PRMT8: variants seen among roughly 807,000 people sequenced by gnomAD.
PRMT8 encodes protein arginine methyltransferase 8.
Under a neutral mutation model 47.1 loss-of-function variants are expected in PRMT8, and 7 were observed. That is an observed-to-expected ratio of 0.15 (90% CI 0.08 to 0.28). The LOEUF (loss-of-function observed/expected upper bound fraction) is 0.28, where lower values mean the gene tolerates loss of function less well. Among genes scored for constraint, PRMT8 ranks in the 10% least tolerant of loss-of-function variants. PRMT8 has a pLI of 1.00. For missense variants in PRMT8, 237 were observed against 505.4 expected, an observed-to-expected ratio of 0.47 and a Z score of 5.09; for synonymous variants, 188 against 186.5, an observed-to-expected ratio of 1.01 and a Z score of -0.07.
Position 3,456,552 on chromosome 12 carries a change from A to G in PRMT8, c.48+75110A>G, listed in dbSNP as rs1201648400. 6.6e-6 allele frequency among the ~76,000 whole-genome samples: 1 copy of G among 152,062 alleles called. No homozygotes were observed. Among genetic ancestry groups the G allele is most frequent in the Non-Finnish European group, 1.5e-5 (1 of 68,010 alleles). ...TGTTGTGCAGCCCGATCATCCCCCA[A>G]TTCACCAACAGCCTTCTCCTCGCGA... On this transcript the variant is annotated intron_variant, in intron 1 of 9. Transcript: ENST00000452611. This position sits in a 1 kb window ranked among gnomAD's most constrained non-coding sequence, Gnocchi z 4.2.
intron 1 of PRMT8, among the ~76,000 whole-genome samples, chr12:3,477,468 C>T (rs1039345149): frequency 6.6e-6 from 1 of 152,158 alleles, no homozygotes; most frequent in Non-Finnish European, 1.5e-5. Flanking sequence ...TTGGCTTGGA[C>T]GTGAGGTGTC....
intron 1 of PRMT8, among the ~76,000 whole-genome samples, chr12:3,506,422 G>T (rs1473103557): frequency 2.0e-5 from 3 of 152,158 alleles, no homozygotes; most frequent in South Asian, 2.1e-4. Flanking sequence ...TTGAGGGAAG[G>T]CACCTTTGAT....
intron 1 of PRMT8, among the ~76,000 whole-genome samples, chr12:3,534,089 C>T (rs2137156995): frequency 6.6e-6 from 1 of 152,364 alleles, no homozygotes; most frequent in South Asian, 2.1e-4. Context: ...TGGGGTGAGG[C>T]CCAGGCTGGA....
Position 3,514,492 on chromosome 12 carries a change from A to G in PRMT8, c.75+22792A>G, listed in dbSNP as rs1053118627. 2.6e-5 allele frequency among the ~76,000 whole-genome samples: 4 copies of G among 152,168 alleles called. No homozygotes were observed. Among genetic ancestry groups the G allele is most frequent in the African/African-American group, 9.7e-5 (4 of 41,432 alleles). ...ATCCGTACTTCCACTGAAGATGTCCAATATAAGCGGGTCAGGGTCACCCTG... is the reference window on the plus strand; with the variant it reads ...ATCCGTACTTCCACTGAAGATGTCCGATATAAGCGGGTCAGGGTCACCCTG... On this transcript the variant is annotated intron_variant, in intron 1 of 9. Transcript: ENST00000382622. This position sits in a 1 kb window ranked among gnomAD's most constrained non-coding sequence, Gnocchi z 5.9.
At chr12:3,381,412 A>C (rs1864090298) in exon 1 of PRMT8, 8 of 1,536,130 alleles carry the variant, frequency 5.2e-6, no homozygotes, top group Non-Finnish European at 7.0e-6. Context: ...CTCTGGCTTC[A>C]GATGGATTCA....
chr12:3,571,387 TTC>T (rs1350083904), intron 6 of PRMT8, among the ~76,000 whole-genome samples: 2 of 152,254 alleles, frequency 1.3e-5, no homozygotes, highest in Non-Finnish European at 2.9e-5. Flanking sequence ...TCTAGGTACA[TTC>T]TTCATTGTCA....
chr12:3,568,633 C>A, intron 4 of PRMT8, 73 bp from the exon 5 acceptor site: 2 of 1,562,158 alleles, frequency 1.3e-6, no homozygotes, highest in Non-Finnish European at 8.8e-7. Context: ...GGAGATCTGG[C>A]CCTGAAGTGA....
At chr12:3,422,846 C>A (rs891975913) in intron 1 of PRMT8, among the ~76,000 whole-genome samples, 3 of 152,206 alleles carry the variant, frequency 2.0e-5, no homozygotes, top group Admixed American at 6.5e-5. Context: ...CTCCCTTATT[C>A]TCTCCCTTTG....
At chr12:3,547,972 A>G (rs571192417) in intron 2 of PRMT8, among the ~76,000 whole-genome samples, 3 of 152,228 alleles carry the variant, frequency 2.0e-5, no homozygotes, top group Admixed American at 2.0e-4. Flanking sequence ...TTAAAGAAGT[A>G]CGTTGGCAGA....
chr12:3,562,232 T>A (rs1483932325), intron 4 of PRMT8, among the ~76,000 whole-genome samples: 3 of 152,176 alleles, frequency 2.0e-5, no homozygotes, highest in Non-Finnish European at 4.4e-5. Flanking sequence ...TAATTATTTT[T>A]AATGAGCCTG....
At chr12:3,526,091 G>T (rs1356435061) in intron 1 of PRMT8, among the ~76,000 whole-genome samples, 1 of 152,162 alleles carries the variant, frequency 6.6e-6, no homozygotes, top group African/African-American at 2.4e-5. Context: ...TTCTGACGAT[G>T]CTACCTTTTA....
intron 1 of PRMT8, among the ~76,000 whole-genome samples, chr12:3,447,071 T>A (rs1354773506): frequency 6.6e-6 from 1 of 152,130 alleles, no homozygotes; most frequent in Non-Finnish European, 1.5e-5. Flanking sequence ...CAGGGACCTG[T>A]TCACCCACAG....
chr12:3,533,326 C>T (rs926209257), intron 1 of PRMT8, among the ~76,000 whole-genome samples: 7 of 152,328 alleles, frequency 4.6e-5, no homozygotes, highest in East Asian at 3.9e-4. Flanking sequence ...AACACCGTCT[C>T]GCAGGACTGG....
intron 1 of PRMT8, among the ~76,000 whole-genome samples, chr12:3,415,028 T>C (rs1391151673): frequency 6.6e-6 from 1 of 152,058 alleles, no homozygotes; most frequent in Non-Finnish European, 1.5e-5. Flanking sequence ...CCATTTCCAA[T>C]GCCAAACCCA....
intron 1 of PRMT8, among the ~76,000 whole-genome samples, chr12:3,383,169 T>C (rs1208078991): frequency 6.6e-6 from 1 of 152,214 alleles, no homozygotes; most frequent in Non-Finnish European, 1.5e-5. Flanking sequence ...CCCACTTTAT[T>C]CTTCTATTTC....
At chr12:3,542,546 G>T (rs961983878) in intron 2 of PRMT8, among the ~76,000 whole-genome samples, 1 of 152,188 alleles carries the variant, frequency 6.6e-6, no homozygotes, top group Non-Finnish European at 1.5e-5. Flanking sequence ...CAGGCCTGTG[G>T]CTCTGGGTAC....
Position 3,592,208 on chromosome 12 carries a change from T to C in PRMT8, c.980-23T>C. On this transcript the variant is annotated intron_variant, in intron 8 of 9. Transcript: ENST00000382622. ...TCGTCTCTGACTCTTTCTTCCCACCTCCCCTGTTCTCTCACCCCTCAGCCC... is the reference window on the plus strand; with the variant it reads ...TCGTCTCTGACTCTTTCTTCCCACCCCCCCTGTTCTCTCACCCCTCAGCCC... The C allele has an allele frequency of 3.2e-6, 5 of 1,541,932 alleles. No homozygotes were observed. In the East Asian group the frequency reaches 1.2e-4, roughly 38 times the overall value.
chr12:3,498,065 G>A (rs1565423899), intron 1 of PRMT8, among the ~76,000 whole-genome samples: 1 of 152,174 alleles, frequency 6.6e-6, no homozygotes, highest in Non-Finnish European at 1.5e-5. Flanking sequence ...GTGTTTCTCT[G>A]CATAAGGTCT....
intron 1 of PRMT8, among the ~76,000 whole-genome samples, chr12:3,465,744 G>A (rs1865091547): frequency 6.6e-6 from 1 of 152,180 alleles, no homozygotes; most frequent in African/African-American, 2.4e-5. Context: ...GTGGGTTTGA[G>A]GACGACTTGA....
Sources: gnomAD v4.1 joint callset for allele counts (sites outside exome capture counted in the v4.1 genomes callset) on GRCh38, gnomAD v4.1.1 for gene constraint, Gnocchi (gnomAD v3.1) non-coding constraint, MANE v1.5 for transcripts, NCBI Gene and HGNC (gene_info 2026-07-23, HGNC 2026-07-21) for gene names.